Variants in KIF25 observed in about 807,000 individuals in gnomAD.
The protein encoded by KIF25 is kinesin family member 25.
A neutral mutation model predicts 32.9 loss-of-function variants in KIF25; 19 were observed. The observed-to-expected ratio is 0.58, with a 90% CI of 0.40 to 0.85. The LOEUF is 0.85. KIF25 is among the 40% of genes least tolerant of loss of function. The pLI, the probability that KIF25 is intolerant of heterozygous loss-of-function variation, is 0.00. For synonymous variants in KIF25, 225 were observed against 213.7 expected (o/e 1.05, Z -0.46); for missense variants, 485 against 507.0 (o/e 0.96, Z 0.42).
chr6:168,032,100 G>C (rs1012404705), intron 7 of KIF25, among the ~76,000 whole-genome samples: 2 of 152,362 alleles, frequency 1.3e-5, no homozygotes, highest in Middle Eastern at 3.4e-3. Flanking sequence ...AGAGAACAGA[G>C]TGTAGATGTT....
At chr6:168,043,710 G>C (rs1431640471) in intron 12 of KIF25, among the ~76,000 whole-genome samples, 2 of 152,246 alleles carry the variant, frequency 1.3e-5, no homozygotes, top group African/African-American at 4.8e-5. Context: ...CGTGATCTCA[G>C]GGGCGGCACC....
intron 5 of KIF25, 90 bp from the exon 6 acceptor site, chr6:168,029,402 C>A: frequency 1.1e-6 from 1 of 897,414 alleles, no homozygotes; most frequent in Non-Finnish European, 1.6e-6. Context: ...CGAACACTGA[C>A]TTTTGGATGG....
Position 168,044,893 on chromosome 6 carries a change from T to A in KIF25, c.1052T>A (p.Leu351Ter), listed in dbSNP as rs1327743191. ...AGCCAGAGGCACCTGGCACAGACGT[T>A]GCAGGGCCTGGGTTTCGGGATCCGA... is the stretch of plus-strand genomic sequence containing the variant. The part of the protein sequence containing the change: ...SPSQRHLAQT[L>*]QGLGFGIRAR... The change falls in exon 13 of 13, where the codon TTG becomes TAG. Residue 351 changes from leucine to a stop codon, truncating the protein, a stop_gained. Coordinates refer to ENST00000643607, the MANE Select transcript of KIF25 (RefSeq NM_030615.4). LOFTEE classifies it low-confidence loss of function (END_TRUNC). 1 of 1,612,962 alleles carries A rather than the reference T, an allele frequency of 6.2e-7. No individual in the cohort carries two copies. Among genetic ancestry groups the A allele is most frequent in the Admixed American group, 1.7e-5 (1 of 59,996 alleles).
chr6:168,041,829 G>A (rs1458335527), intron 10 of KIF25, 140 bp from the exon 11 acceptor site: 16 of 773,936 alleles, frequency 2.1e-5, no homozygotes, highest in African/African-American at 1.2e-4. Flanking sequence ...GGACCTCTGC[G>A]GAAATCCCAC....
At chr6:168,032,428 G>GA (rs1168185853) in intron 7 of KIF25, among the ~76,000 whole-genome samples, 1 of 152,250 alleles carries the variant, frequency 6.6e-6, no homozygotes, top group Non-Finnish European at 1.5e-5. Context: ...AGGGAAGCTG[G>GA]AAGAGACATA....
chr6:168,041,038 C>A (rs184796240), intron 10 of KIF25, among the ~76,000 whole-genome samples: 1 of 152,130 alleles, frequency 6.6e-6, no homozygotes, highest in African/African-American at 2.4e-5. Context: ...CCAGAGTGTG[C>A]GTTTCTGCAA....
intron 2 of KIF25, among the ~76,000 whole-genome samples, chr6:168,000,312 C>A (rs1798481637): frequency 7.4e-6 from 1 of 134,694 alleles, no homozygotes; most frequent in Non-Finnish European, 1.6e-5. Context: ...CCTGACCACA[C>A]CTGCCCCTCC....
At chr6:168,026,060 GC>G (rs138254832) in intron 5 of KIF25, among the ~76,000 whole-genome samples, 1,844 of 152,338 alleles carry the variant, frequency 0.012, 44 homozygotes, top group African/African-American at 0.042. Flanking sequence ...GCTGCGGGGG[GC>G]ACCACCGCCC....
chr6:168,014,116 T>G (rs913943541), intron 4 of KIF25, among the ~76,000 whole-genome samples: 1 of 152,160 alleles, frequency 6.6e-6, no homozygotes, highest in Admixed American at 6.5e-5. Context: ...ACAGGAGCCC[T>G]TGGGACCTTA....
chr6:168,036,005 C>A, intron 8 of KIF25: 1 of 313,998 alleles, frequency 3.2e-6, no homozygotes. Context: ...CAAAATGATA[C>A]AAAACCACAA....
chr6:168,017,448 T>C (rs745702465), intron 4 of KIF25, among the ~76,000 whole-genome samples: 27 of 152,208 alleles, frequency 1.8e-4, no homozygotes, highest in Admixed American at 1.3e-4. Context: ...AAAAATGCCT[T>C]TGCTTCCCTT....
chr6:168,044,688 C>T, intron 12 of KIF25, 139 bp from the exon 13 acceptor site: 1 of 834,480 alleles, frequency 1.2e-6, no homozygotes, highest in Non-Finnish European at 1.9e-6. Context: ...CAGGAACCTG[C>T]CAGACGTGGC....
chr6:168,042,098 A>AGCAGG lies in KIF25; in HGVS notation c.777_781dup (p.Val261GlyfsTer23). 7.1e-6 allele frequency: 11 copies of AGCAGG among 1,551,572 alleles called. No homozygotes were observed. Among genetic ancestry groups the AGCAGG allele is most frequent in the Non-Finnish European group, 9.6e-6 (11 of 1,147,650 alleles). ...CCTGGGAACCCCGCAGGGCATGCGG[A>AGCAGG]GCAGGTGCAGGCTCGACTACAGCTC... is the stretch of plus-strand genomic sequence containing the variant. On this transcript the variant is annotated frameshift_variant, in exon 11 of 13. Coordinates refer to ENST00000643607, the MANE Select transcript of KIF25 (RefSeq NM_030615.4). LOFTEE classifies it high-confidence loss of function.
In KIF25 at chr6:168,025,326, C is replaced by T. The variant is rs142137605; in HGVS notation, c.-94-4166C>T. ...CGCTGCTCCAACTTCTCATTTCCCG[C>T]TCCTGCTTCATCTCTTGGAATAGTG... On this transcript the variant is annotated intron_variant, in intron 5 of 12. Transcript: ENST00000643607. 3.6e-3 allele frequency among the ~76,000 whole-genome samples: 553 copies of T among 152,284 alleles called. 4 individuals carry two copies. Among genetic ancestry groups the T allele is most frequent in the African/African-American group, 0.013 (532 of 41,550 alleles).
chr6:168,022,842 G>T (rs1468702681), intron 5 of KIF25, among the ~76,000 whole-genome samples: 2 of 150,116 alleles, frequency 1.3e-5, no homozygotes, highest in Admixed American at 1.3e-4. Flanking sequence ...TTTCCTGCAA[G>T]GGCCTGGGGT....
chr6:168,018,126 T>C (rs9295035), intron 5 of KIF25, 86 bp downstream of exon 5: 56,847 of 152,226 alleles, frequency 0.37, 10,863 homozygotes, highest in South Asian at 0.43. Context: ...ATGAAATATG[T>C]AATTTATCCT....
intron 4 of KIF25, among the ~76,000 whole-genome samples, chr6:168,014,894 C>G (rs1798693832): frequency 6.6e-6 from 1 of 152,150 alleles, no homozygotes; most frequent in Non-Finnish European, 1.5e-5. Context: ...CCCTGATTCT[C>G]CCTTATTGTT....
rs190159710 is a variant in KIF25, at chr6:168,021,564, T to C, written c.-95+3524T>C. Among the ~76,000 whole-genome samples the C allele has an allele frequency of 5.3e-3, 814 of 152,374 alleles. 20 individuals are homozygous for C. The highest frequency in any genetic ancestry group is 0.048 in the Admixed American group (733 of 15,302). ...ACATAAAAGTTTACCATTTTAGCCA[T>C]TTTTAAGTATACAGTTCAATGGGAC... On this transcript the variant is annotated intron_variant, in intron 5 of 12. Transcript: ENST00000643607.
At chr6:168,029,816 G>T in intron 6 of KIF25, 139 bp downstream of exon 6, 1 of 1,110,348 alleles carries the variant, frequency 9.0e-7, no homozygotes. Context: ...TCTCAGCCCT[G>T]AGCATCTTCC....
Sources: allele counts gnomAD v4.1 joint callset (sites outside exome capture counted in the v4.1 genomes callset), GRCh38; gene constraint gnomAD v4.1.1; transcripts MANE v1.5; gene names NCBI Gene and HGNC (gene_info 2026-07-23, HGNC 2026-07-21).